The following SEC22C variants were observed in gnomAD, a reference collection of about 807,000 sequenced individuals.
SEC22C encodes vesicle-trafficking protein SEC22c.
Under a neutral mutation model 34.7 loss-of-function variants are expected in SEC22C, and 29 were observed. That is an observed-to-expected ratio of 0.84 (90% CI 0.62 to 1.14). The LOEUF is 1.14. SEC22C is among the 50% of genes most tolerant of loss of function. The pLI is 0.00. For synonymous variants in SEC22C, 117 were observed against 132.8 expected (o/e 0.88, Z 0.82); for missense variants, 337 against 369.0 (o/e 0.91, Z 0.71).
At chr3:42,574,267 C>T (rs1347650810) in intron 1 of SEC22C, among the ~76,000 whole-genome samples, 1 of 150,306 alleles carries the variant, frequency 6.7e-6, no homozygotes, top group Non-Finnish European at 1.5e-5. Context: ...ATCCTTCAAG[C>T]AGCCAGGTGC....
intron 1 of SEC22C, chr3:42,579,639 G>C (rs998512157): frequency 2.0e-5 from 3 of 151,766 alleles, no homozygotes; most frequent in African/African-American, 7.3e-5. Flanking sequence ...AAAAAGAAAA[G>C]AAAAGAAAAT....
chr3:42,591,198 C>G (rs1704822446), intron 1 of SEC22C: 8 of 478,290 alleles, frequency 1.7e-5, no homozygotes, highest in East Asian at 7.9e-5. Context: ...AACCCTTTCT[C>G]TCCTTTTTTT....
Position 42,549,844 on chromosome 3 carries a change from A to G in SEC22C, c.*3404T>C. 1.0e-6 allele frequency: 1 copy of G among 985,458 alleles called. No homozygotes were observed. Among genetic ancestry groups the G allele is most frequent in the Non-Finnish European group, 1.2e-6 (1 of 829,954 alleles). The allele number at this position is 985,458 out of a possible 1,614,324, so 61.0% of individuals were successfully genotyped here. ...AATGCTTAAATGTTTTAATTCCAGC[A>G]TTCTCCAGAGTTCACAGAAAAGAGG... is the stretch of plus-strand genomic sequence containing the variant. On this transcript the variant is annotated 3_prime_UTR_variant, in exon 7 of 7. Coordinates refer to ENST00000264454, the MANE Select transcript of SEC22C (RefSeq NM_032970.4).
In SEC22C at chr3:42,550,522, A is replaced by AT; in HGVS notation, c.*2725dup. ...AGTCTCTTCCTTCAGTGAGCTGAGG[A>AT]TTCTTTTAGCTAGCTGGATTTCAGT... On this transcript the variant is annotated 3_prime_UTR_variant, in exon 7 of 7. Transcript: ENST00000264454. 1 of 985,362 alleles carries AT rather than the reference A, an allele frequency of 1.0e-6. No individual in the cohort carries two copies. The allele number at this position is 985,362 out of a possible 1,614,324, so 61.0% of individuals were successfully genotyped here. A position where few individuals can be genotyped will look rare whatever the true frequency, so the allele number is the denominator to read the frequency against.
At chr3:42,572,372 G>A (rs947720748) in intron 1 of SEC22C, among the ~76,000 whole-genome samples, 2 of 152,098 alleles carry the variant, frequency 1.3e-5, no homozygotes, top group Non-Finnish European at 2.9e-5. Flanking sequence ...ACCTGCCAAC[G>A]AAGGCCAAGT....
chr3:42,591,703 T>C (rs981066432), intron 1 of SEC22C: 64 of 843,168 alleles, frequency 7.6e-5, no homozygotes, highest in South Asian at 4.2e-4. Flanking sequence ...TGATCGCAGT[T>C]AAGCCCCTCT....
At chr3:42,599,051 T>C (rs1034958960) in intron 1 of SEC22C, among the ~76,000 whole-genome samples, 2 of 150,404 alleles carry the variant, frequency 1.3e-5, no homozygotes, top group African/African-American at 4.9e-5. Flanking sequence ...CTGCAAGCTC[T>C]GCCTCCCAGG....
chr3:42,569,164 A>C, intron 1 of SEC22C, 91 bp from the exon 2 acceptor site: 1 of 760,534 alleles, frequency 1.3e-6, no homozygotes, highest in Non-Finnish European at 2.1e-6. Flanking sequence ...AGGGTTTTTC[A>C]CCCTCATTCT....
chr3:42,575,482 T>G (rs1163893986), intron 1 of SEC22C, among the ~76,000 whole-genome samples: 6 of 152,228 alleles, frequency 3.9e-5, no homozygotes, highest in Non-Finnish European at 8.8e-5. Context: ...AGAGTTATAT[T>G]ATCATCAGAT....
chr3:42,549,639 A>G lies in SEC22C; in HGVS notation c.*3609T>C. On this transcript the variant is annotated 3_prime_UTR_variant, in exon 7 of 7. Transcript: ENST00000264454. ...TCAATGCAATCTGCTCCCACTCTGA[A>G]GCTCGTCTACCCACCCCATTTGTTA... 1.0e-6 allele frequency: 1 copy of G among 985,406 alleles called. No individual in the cohort carries two copies. The highest frequency in any genetic ancestry group is 1.2e-6 in the Non-Finnish European group (1 of 829,956). 61.0% of individuals were successfully genotyped at this position (985,406 alleles called of 1,614,324 possible).
intron 6 of SEC22C, among the ~76,000 whole-genome samples, chr3:42,555,111 C>T (rs1233753649): frequency 3.9e-5 from 6 of 151,958 alleles, no homozygotes; most frequent in African/African-American, 9.7e-5. Context: ...TTTGGGCGGC[C>T]GAGGCGGGTG....
At position 42,552,153 on chromosome 3, in the gene SEC22C, G is replaced by GGAA; in HGVS notation, c.*1094_*1095insTTC. 1.0e-6 allele frequency: 1 copy of GGAA among 985,204 alleles called. No homozygotes were observed. The highest frequency in any genetic ancestry group is 1.2e-6 in the Non-Finnish European group (1 of 829,724). The allele number at this position is 985,204 out of a possible 1,614,324, so 61.0% of individuals were successfully genotyped here. ...GAAAGAGAGTAACTTTCCAGAGTAT[G>GGAA]TGTTAATTATATCTCTATCAAGCTT... On this transcript the variant is annotated 3_prime_UTR_variant, in exon 7 of 7. Transcript: ENST00000264454.
chr3:42,564,392 A>ACTCAT (rs1332166255), intron 2 of SEC22C: 1 of 154,278 alleles, frequency 6.5e-6, no homozygotes, highest in Non-Finnish European at 1.4e-5. Flanking sequence ...TTTGCTGAGA[A>ACTCAT]CTCATCCCTA....
At chr3:42,591,565 A>T (rs1704844991) in intron 1 of SEC22C, 2 of 1,613,972 alleles carry the variant, frequency 1.2e-6, no homozygotes, top group East Asian at 2.2e-5. Context: ...TGTATTGTGG[A>T]GTATCAGAAC....
In SEC22C at chr3:42,550,132, G is replaced by A. The variant is rs1045889768; in HGVS notation, c.*3116C>T. ...CCCGTGGTTGGGAAACCCTTCCTAA[G>A]AGCATGGAGCCACACTCTGGCCTTG... On this transcript the variant is annotated 3_prime_UTR_variant, in exon 7 of 7. Transcript: ENST00000264454. The A allele has an allele frequency of 2.0e-6, 2 of 985,374 alleles. No individual in the cohort carries two copies. The highest frequency in any genetic ancestry group is 1.7e-5 in the African/African-American group (1 of 57,250). 61.0% of individuals were successfully genotyped at this position (985,374 alleles called of 1,614,324 possible).
intron 4 of SEC22C, among the ~76,000 whole-genome samples, chr3:42,560,652 T>C (rs922984148): frequency 2.0e-5 from 3 of 152,204 alleles, no homozygotes; most frequent in Non-Finnish European, 4.4e-5. Context: ...TTTTTTCTTT[T>C]TTGAGACAGG....
intron 5 of SEC22C, among the ~76,000 whole-genome samples, chr3:42,557,012 C>T (rs1702570703): frequency 6.6e-6 from 1 of 152,212 alleles, no homozygotes; most frequent in Non-Finnish European, 1.5e-5. Context: ...GAGTGAGTCA[C>T]CACACCCGGC....
chr3:42,586,475 G>A (rs571433141), upstream of SEC22C, among the ~76,000 whole-genome samples: 199 of 151,712 alleles, frequency 1.3e-3, no homozygotes, highest in Non-Finnish European at 2.5e-3. Flanking sequence ...TGCCTACCTC[G>A]GCCTCCCAAA....
upstream of SEC22C, among the ~76,000 whole-genome samples, chr3:42,583,996 G>A (rs767705753): frequency 1.4e-4 from 21 of 152,136 alleles, no homozygotes; most frequent in Non-Finnish European, 2.9e-4. Context: ...TCTAAGACAG[G>A]GTAGTCTTGA....
Sources: gnomAD v4.1 joint callset for allele counts (sites outside exome capture counted in the v4.1 genomes callset) on GRCh38, gnomAD v4.1.1 for gene constraint, MANE v1.5 for transcripts, NCBI Gene and HGNC (gene_info 2026-07-23, HGNC 2026-07-21) for gene names.